The following NSMCE2 variants were observed in gnomAD, a reference collection of about 807,000 sequenced individuals.
NSMCE2 encodes the protein E3 SUMO-protein ligase NSE2.
NSMCE2 carries 24 observed loss-of-function variants against 23.8 expected under a neutral mutation model. The observed-to-expected ratio is 1.01, with a 90% CI of 0.73 to 1.42. The LOEUF is 1.42. Ranked by LOEUF, NSMCE2 falls within the 40% of genes most tolerant of loss-of-function variation. NSMCE2 has a pLI of 0.00. For synonymous variants in NSMCE2, 92 were observed against 94.1 expected, an observed-to-expected ratio of 0.98 and a Z score of 0.13; for missense variants, 284 against 296.5, an observed-to-expected ratio of 0.96 and a Z score of 0.31.
intron 4 of NSMCE2, among the ~76,000 whole-genome samples, chr8:125,176,286 C>T (rs1822488299): frequency 6.6e-6 from 1 of 152,194 alleles, no homozygotes; most frequent in African/African-American, 2.4e-5. Flanking sequence ...CTAATGCACA[C>T]TTTTCACTTC....
chr8:125,335,256 T>G (rs1034480022), intron 5 of NSMCE2, among the ~76,000 whole-genome samples: 1 of 152,120 alleles, frequency 6.6e-6, no homozygotes, highest in Non-Finnish European at 1.5e-5. Context: ...AGGAAATCAT[T>G]GCCACCATTT....
At chr8:125,309,024 C>G (rs1333131118) in intron 5 of NSMCE2, among the ~76,000 whole-genome samples, 4 of 152,066 alleles carry the variant, frequency 2.6e-5, no homozygotes, top group Non-Finnish European at 2.9e-5. Flanking sequence ...GCGGGTGGAT[C>G]ACCTGAGGTC....
At chr8:125,115,473 G>A (rs1465927829) in intron 3 of NSMCE2, among the ~76,000 whole-genome samples, 2 of 152,124 alleles carry the variant, frequency 1.3e-5, no homozygotes, top group East Asian at 1.9e-4. Flanking sequence ...CTTTCAGGCC[G>A]GGCTCAGTGG....
chr8:125,144,152 C>A (rs1043002072), intron 3 of NSMCE2, among the ~76,000 whole-genome samples: 25 of 152,170 alleles, frequency 1.6e-4, no homozygotes, highest in African/African-American at 6.0e-4. Context: ...CCATGTACTA[C>A]CGGACCTGTT....
intron 5 of NSMCE2, among the ~76,000 whole-genome samples, chr8:125,325,834 C>G (rs983922681): frequency 1.3e-5 from 2 of 152,152 alleles, no homozygotes; most frequent in African/African-American, 4.8e-5. Context: ...CACCTGTCAT[C>G]CCAGCTACTT....
At chr8:125,097,996 C>T (rs1011426762) in intron 1 of NSMCE2, among the ~76,000 whole-genome samples, 1 of 152,040 alleles carries the variant, frequency 6.6e-6, no homozygotes, top group Non-Finnish European at 1.5e-5. Context: ...GCTCAAAGAC[C>T]TTAAGGTGAA....
At chr8:125,359,330 CTTT>C (rs34421417) in intron 7 of NSMCE2, among the ~76,000 whole-genome samples, 4 of 102,890 alleles carry the variant, frequency 3.9e-5, no homozygotes, top group Non-Finnish European at 5.6e-5. Context: ...TGCTCTTTCT[CTTT>C]TTTTTTTTTT....
intron 3 of NSMCE2, among the ~76,000 whole-genome samples, chr8:125,107,978 G>A (rs1397888023): frequency 6.6e-6 from 1 of 152,030 alleles, no homozygotes; most frequent in Non-Finnish European, 1.5e-5. Context: ...AGGTTGCAAT[G>A]AGCTGAGATC....
At chr8:125,298,692 TTTTTG>T (rs1362962414) in intron 5 of NSMCE2, among the ~76,000 whole-genome samples, 3 of 83,604 alleles carry the variant, frequency 3.6e-5, no homozygotes, top group South Asian at 4.4e-4. Context: ...TGTGGGTTTT[TTTTTG>T]TTTTTTTTTT....
intron 4 of NSMCE2, among the ~76,000 whole-genome samples, chr8:125,152,911 G>A (rs553372716): frequency 6.6e-6 from 1 of 151,862 alleles, no homozygotes; most frequent in South Asian, 2.1e-4. Flanking sequence ...ACAAAAATTA[G>A]CCAGGTGTAG....
intron 5 of NSMCE2, among the ~76,000 whole-genome samples, chr8:125,240,401 G>C (rs1368802564): frequency 6.6e-6 from 1 of 152,166 alleles, no homozygotes; most frequent in Non-Finnish European, 1.5e-5. Flanking sequence ...GGGATTCCAG[G>C]CTTGAGCCAC....
At chr8:125,352,955 C>T (rs1326414595) in intron 5 of NSMCE2, among the ~76,000 whole-genome samples, 2 of 152,216 alleles carry the variant, frequency 1.3e-5, no homozygotes, top group Non-Finnish European at 2.9e-5. Flanking sequence ...GTCTCTTACT[C>T]ACTCGTGACA....
chr8:125,354,630 G>A (rs1017785967), intron 5 of NSMCE2, among the ~76,000 whole-genome samples: 3 of 151,502 alleles, frequency 2.0e-5, no homozygotes, highest in Middle Eastern at 3.4e-3. Context: ...TTATTCCCAA[G>A]CCCTGAGATC....
chr8:125,109,464 C>A (rs1818625536), intron 3 of NSMCE2, among the ~76,000 whole-genome samples: 1 of 152,096 alleles, frequency 6.6e-6, no homozygotes. Flanking sequence ...CATGGATTAT[C>A]CCAGAACAGA....
At chr8:125,353,551 C>T (rs1008570785) in intron 5 of NSMCE2, among the ~76,000 whole-genome samples, 2 of 152,148 alleles carry the variant, frequency 1.3e-5, no homozygotes, top group Non-Finnish European at 2.9e-5. Flanking sequence ...GAGACCCCAC[C>T]CCACAGCAAA....
intron 5 of NSMCE2, among the ~76,000 whole-genome samples, chr8:125,183,634 G>GGTTGTGTGTGTGTGTGTGTGTGT (rs71515999): frequency 5.0e-4 from 74 of 147,586 alleles, no homozygotes; most frequent in African/African-American, 1.7e-3. Context: ...ATTACTCAGT[G>GGTTGTGTGTGTGTGTGTGTGTGT]GTGTGTGTGT....
At chr8:125,338,730 A>G (rs953565057) in intron 5 of NSMCE2, among the ~76,000 whole-genome samples, 2 of 152,180 alleles carry the variant, frequency 1.3e-5, no homozygotes, top group African/African-American at 4.8e-5. Context: ...TACCCTTTCA[A>G]AATTCAGTAT....
intron 5 of NSMCE2, among the ~76,000 whole-genome samples, chr8:125,284,102 T>C (rs1247615989): frequency 6.9e-6 from 1 of 144,716 alleles, no homozygotes; most frequent in Non-Finnish European, 1.5e-5. Context: ...TGCAGTGAGC[T>C]GAGATCACAC....
At chr8:125,251,378 T>A (rs1387316710) in intron 5 of NSMCE2, among the ~76,000 whole-genome samples, 10 of 152,148 alleles carry the variant, frequency 6.6e-5, no homozygotes, top group Non-Finnish European at 1.5e-5. Flanking sequence ...TTTGAAACAA[T>A]GGAAAATTAT....
Sources: allele counts gnomAD v4.1 joint callset (sites outside exome capture counted in the v4.1 genomes callset), GRCh38; gene constraint gnomAD v4.1.1; transcripts MANE v1.5; gene names NCBI Gene and HGNC (gene_info 2026-07-23, HGNC 2026-07-21).